Variants in PPFIA2 observed in about 807,000 individuals in gnomAD.
The protein encoded by PPFIA2 is PPFI scaffold protein A2, also known as liprin-alpha-2.
PPFIA2 carries 46 observed loss-of-function variants against 175.5 expected under a neutral mutation model. That is an observed-to-expected ratio of 0.26 (90% CI 0.21 to 0.34). The LOEUF is 0.34. PPFIA2 is among the 10% of genes least tolerant of loss of function. The probability of loss-of-function intolerance (pLI) is 1.00; values close to 1 mark genes in which losing one functional copy is unlikely to be tolerated. For missense variants in PPFIA2, 1,179 were observed against 1,506.1 expected, an observed-to-expected ratio of 0.78 and a Z score of 3.60; for synonymous variants, 568 against 511.4, an observed-to-expected ratio of 1.11 and a Z score of -1.49.
chr12:81,452,740 T>C (rs991525428), intron 5 of PPFIA2, among the ~76,000 whole-genome samples: 2 of 152,150 alleles, frequency 1.3e-5, no homozygotes, highest in Non-Finnish European at 2.9e-5. Flanking sequence ...GATTTGTCAA[T>C]AAGAAAAAAT....
At chr12:81,526,993 T>C (rs950548813) in intron 4 of PPFIA2, among the ~76,000 whole-genome samples, 2 of 152,156 alleles carry the variant, frequency 1.3e-5, no homozygotes, top group Non-Finnish European at 2.9e-5. Context: ...TAGGGTCACA[T>C]AATACCAATA....
Position 81,668,286 on chromosome 12 carries a change from T to C in PPFIA2, c.303+8505A>G, listed in dbSNP as rs146461159. On this transcript the variant is annotated intron_variant, in intron 4 of 32. Coordinates refer to ENST00000549396, the MANE Select transcript of PPFIA2 (RefSeq NM_003625.5). ...ATCAGTCTGGCCCATGGGAAGCTCA[T>C]GTACCTTTGACACACCAAATTCTTG... Among the ~76,000 whole-genome samples the C allele has an allele frequency of 3.0e-3, 460 of 152,170 alleles. 2 individuals are homozygous for C. The highest frequency in any genetic ancestry group is 0.011 in the African/African-American group (438 of 41,550).
intron 3 of PPFIA2, among the ~76,000 whole-genome samples, chr12:81,699,579 C>G (rs1322367468): frequency 6.6e-6 from 1 of 151,428 alleles, no homozygotes; most frequent in Non-Finnish European, 1.5e-5. Flanking sequence ...TCTTTCTTGA[C>G]TATTTGAATT....
At chr12:81,309,011 A>C (rs140053638) in intron 22 of PPFIA2, among the ~76,000 whole-genome samples, 92 of 152,340 alleles carry the variant, frequency 6.0e-4, no homozygotes, top group Non-Finnish European at 1.2e-3. Flanking sequence ...AATGAAGAAT[A>C]AAATATAAGT....
chr12:81,501,588 G>C (rs995320707), intron 4 of PPFIA2, among the ~76,000 whole-genome samples: 1 of 152,032 alleles, frequency 6.6e-6, no homozygotes, highest in Non-Finnish European at 1.5e-5. Flanking sequence ...TCACACGACT[G>C]AAAAAGTAAA....
intron 19 of PPFIA2, among the ~76,000 whole-genome samples, chr12:81,343,045 C>G (rs559884804): frequency 1.1e-3 from 165 of 151,928 alleles, no homozygotes; most frequent in Non-Finnish European, 1.9e-3. Flanking sequence ...GATTTGAATT[C>G]TGATTTTTCT....
chr12:81,311,452 G>A (rs915872165), intron 22 of PPFIA2, among the ~76,000 whole-genome samples: 4 of 152,084 alleles, frequency 2.6e-5, no homozygotes, highest in Admixed American at 6.5e-5. Flanking sequence ...AGGTAGAGGC[G>A]GCCCGGCGTG....
At chr12:81,324,610 G>A (rs1298420454) in intron 22 of PPFIA2, among the ~76,000 whole-genome samples, 3 of 151,932 alleles carry the variant, frequency 2.0e-5, no homozygotes, top group South Asian at 2.1e-4. Context: ...TCACGAAATA[G>A]AGTATATCAT....
intron 24 of PPFIA2, among the ~76,000 whole-genome samples, chr12:81,291,771 C>T (rs1007432711): frequency 2.0e-5 from 3 of 151,722 alleles, no homozygotes; most frequent in Non-Finnish European, 4.4e-5. Flanking sequence ...GTAAAGGAAT[C>T]GATAAATGAA....
rs145646911 is a variant in PPFIA2 at position 81,317,041 on chromosome 12, T to C, written c.2642+8736A>G. 2.5e-3 allele frequency among the ~76,000 whole-genome samples: 375 copies of C among 151,744 alleles called. 1 individual carries two copies. The highest frequency in any genetic ancestry group is 8.3e-3 in the African/African-American group (346 of 41,512). On this transcript the variant is annotated intron_variant, in intron 22 of 32. Coordinates refer to ENST00000549396, the MANE Select transcript of PPFIA2 (RefSeq NM_003625.5). ...TGAAAAATATTAGAGATAACACATG[T>C]AAAATGCATAGAACAGTGCATTGCC...
chr12:81,619,814 A>T (rs1377656478), intron 4 of PPFIA2, among the ~76,000 whole-genome samples: 1 of 152,154 alleles, frequency 6.6e-6, no homozygotes, highest in Non-Finnish European at 1.5e-5. Context: ...CACGATACTA[A>T]ATATTCACAA....
chr12:81,445,512 T>C, intron 6 of PPFIA2, 44 bp downstream of exon 6: 21 of 1,574,972 alleles, frequency 1.3e-5, no homozygotes, highest in Non-Finnish European at 1.8e-5. Flanking sequence ...TTGATGCTGA[T>C]GACAGAAGTG....
chr12:81,508,181 T>C (rs932353237), intron 4 of PPFIA2, among the ~76,000 whole-genome samples: 1 of 152,074 alleles, frequency 6.6e-6, no homozygotes. Context: ...AATACTATAT[T>C]CCTCGTGTAT....
intron 5 of PPFIA2, among the ~76,000 whole-genome samples, chr12:81,451,518 T>A (rs760582487): frequency 4.1e-4 from 62 of 152,190 alleles, no homozygotes; most frequent in Non-Finnish European, 7.2e-4. Context: ...CTAGAGACTG[T>A]CTGAAAGCTC....
chr12:81,754,119 T>C lies in PPFIA2; in HGVS notation c.103A>G (p.Met35Val). ...TCCCTTTCATCTAGCATATTCACCA[T>C]CAGCTGCTCAAAATGGGAGTCTGAG... ...SDSDSHFEQL[M>V]VNMLDERDRL... The change falls in exon 3 of 33, where the codon ATG becomes GTG. Residue 35 changes from methionine (M) to valine (V), a missense_variant. Met to Val is a conservative substitution (Grantham distance 21). This residue lies in a region of PPFIA2 where 128 missense variants were observed against 141.4 expected (regional missense o/e 0.91). Transcript: ENST00000549396. 1 of 1,613,800 alleles carries C rather than the reference T, an allele frequency of 6.2e-7. No individual in the cohort carries two copies. The highest frequency in any genetic ancestry group is 8.5e-7 in the Non-Finnish European group (1 of 1,179,836).
At chr12:81,443,209 G>T (rs1008975675) in intron 6 of PPFIA2, among the ~76,000 whole-genome samples, 17 of 151,910 alleles carry the variant, frequency 1.1e-4, no homozygotes, top group Non-Finnish European at 1.2e-4. Context: ...TAATCCTCAT[G>T]ATGACTCTGA....
chr12:81,743,425 A>AC (rs2082594432), intron 3 of PPFIA2, among the ~76,000 whole-genome samples: 1 of 146,236 alleles, frequency 6.8e-6, no homozygotes, highest in Non-Finnish European at 1.5e-5. Flanking sequence ...AAAAAAAAAA[A>AC]AAAAAAAAAA....
intron 7 of PPFIA2, among the ~76,000 whole-genome samples, chr12:81,419,407 T>C (rs1245145044): frequency 1.3e-5 from 2 of 152,104 alleles, no homozygotes; most frequent in African/African-American, 2.4e-5. Context: ...ATAAGTGTTA[T>C]TATTGTTGTT....
At chr12:81,449,502 C>A (rs374566029) in intron 5 of PPFIA2, among the ~76,000 whole-genome samples, 11,409 of 141,484 alleles carry the variant, frequency 0.081, 648 homozygotes, top group Middle Eastern at 0.14. Flanking sequence ...AAAAAAAAAA[C>A]AAAAAAAAAT....
Sources: gnomAD v4.1 joint callset for allele counts (sites outside exome capture counted in the v4.1 genomes callset) on GRCh38, gnomAD v4.1.1 for gene constraint, gnomAD v4.1.1 regional missense constraint, MANE v1.5 for transcripts, NCBI Gene and HGNC (gene_info 2026-07-23, HGNC 2026-07-21) for gene names.